Variants in RNF180 observed in about 807,000 individuals in gnomAD.
The protein encoded by RNF180 is E3 ubiquitin-protein ligase RNF180.
A neutral mutation model predicts 59.2 loss-of-function variants in RNF180; 38 were observed. The ratio of observed to expected loss-of-function variants is 0.64; its 90% CI spans 0.50 to 0.84. RNF180 has a LOEUF of 0.84. Ranked by LOEUF, RNF180 falls within the 40% of genes least tolerant of loss-of-function variation. The pLI, the probability that RNF180 is intolerant of heterozygous loss-of-function variation, is 0.00. For synonymous variants in RNF180, 262 were observed against 240.3 expected, an observed-to-expected ratio of 1.09 and a Z score of -0.84; for missense variants, 705 against 700.9, an observed-to-expected ratio of 1.01 and a Z score of -0.07.
intron 2 of RNF180, among the ~76,000 whole-genome samples, chr5:64,208,378 C>T (rs1752130056): frequency 6.6e-6 from 1 of 151,994 alleles, no homozygotes; most frequent in African/African-American, 2.4e-5. Context: ...TCAAATTTTT[C>T]CCGAGGAGAT....
intron 5 of RNF180, among the ~76,000 whole-genome samples, chr5:64,243,435 G>A (rs530750048): frequency 1.3e-3 from 196 of 152,234 alleles, no homozygotes; most frequent in African/African-American, 4.4e-3. Flanking sequence ...TTGAGTAGGC[G>A]GTTTTCCCCT....
At chr5:64,310,911 T>C (rs1018299400) in intron 5 of RNF180, among the ~76,000 whole-genome samples, 2 of 151,920 alleles carry the variant, frequency 1.3e-5, no homozygotes, top group Non-Finnish European at 2.9e-5. Context: ...CTGCCACACC[T>C]AATTCACAGG....
intron 5 of RNF180, among the ~76,000 whole-genome samples, chr5:64,231,973 T>C (rs1462176599): frequency 6.6e-6 from 1 of 152,132 alleles, no homozygotes; most frequent in Non-Finnish European, 1.5e-5. Context: ...TTTTGCTTTT[T>C]AGTAACACTT....
At chr5:64,309,110 A>G (rs1743622581) in intron 5 of RNF180, among the ~76,000 whole-genome samples, 1 of 151,660 alleles carries the variant, frequency 6.6e-6, no homozygotes, top group Non-Finnish European at 1.5e-5. Context: ...GTATTTCCAT[A>G]TTTTGGTGAA....
intron 5 of RNF180, among the ~76,000 whole-genome samples, chr5:64,241,718 G>A (rs1366264972): frequency 6.6e-6 from 1 of 152,078 alleles, no homozygotes; most frequent in African/African-American, 2.4e-5. Flanking sequence ...CTTGGTTGTA[G>A]CACAATAATA....
intron 7 of RNF180, among the ~76,000 whole-genome samples, chr5:64,368,556 A>G (rs1293492011): frequency 6.6e-6 from 1 of 151,886 alleles, no homozygotes; most frequent in Non-Finnish European, 1.5e-5. Context: ...AGAAGAGGCT[A>G]CTCATCTGAC....
At chr5:64,306,573 C>T (rs936292859) in intron 5 of RNF180, among the ~76,000 whole-genome samples, 4 of 151,588 alleles carry the variant, frequency 2.6e-5, no homozygotes, top group African/African-American at 9.7e-5. Flanking sequence ...TGGAACCAAC[C>T]CAAATGTCCA....
intron 7 of RNF180, among the ~76,000 whole-genome samples, chr5:64,355,712 G>T (rs550061350): frequency 6.6e-6 from 1 of 151,982 alleles, no homozygotes; most frequent in African/African-American, 2.4e-5. Flanking sequence ...TAGATCAAGG[G>T]AATAGAAAGT....
intron 5 of RNF180, among the ~76,000 whole-genome samples, chr5:64,264,261 T>A (rs1466360705): frequency 6.6e-6 from 1 of 152,174 alleles, no homozygotes; most frequent in East Asian, 1.9e-4. Flanking sequence ...ATGCGCAGAA[T>A]GTGCAAGTTT....
chr5:64,261,283 G>T lies in RNF180; in HGVS notation c.1227+43887G>T, dbSNP rs370748592. On this transcript the variant is annotated intron_variant, in intron 5 of 7. Transcript: ENST00000389100. ...ATTCAGGAAAAAGAGATTATAAATG[G>T]TGGCTATACCATTTTTGCAAATTCA... Among the ~76,000 whole-genome samples the T allele has an allele frequency of 2.0e-5, 3 of 152,046 alleles. No individual in the cohort carries two copies. The East Asian group carries it at 5.8e-4, about 29-fold the overall frequency.
rs1162054033 is a variant in RNF180, at chr5:64,346,359, C to CTT, written c.1579+15979_1579+15980dup. ...TCTATTCTTCTTTTTTTCTTTTCTTCTTTTTTTTTTTTTTTTTTTTTTTTT... is the reference window on the plus strand; with the variant it reads ...TCTATTCTTCTTTTTTTCTTTTCTTCTTTTTTTTTTTTTTTTTTTTTTTTTTT... On this transcript the variant is annotated intron_variant, in intron 7 of 7. Coordinates refer to ENST00000389100, the MANE Select transcript of RNF180 (RefSeq NM_001113561.2). Among the ~76,000 whole-genome samples the CTT allele has an allele frequency of 4.7e-3, 200 of 42,946 alleles. 28 individuals are homozygous for CTT. Among genetic ancestry groups the CTT allele is most frequent in the African/African-American group, 5.4e-3 (58 of 10,810 alleles). 28.2% of individuals were successfully genotyped at this position (42,946 alleles called of 152,430 possible).
rs375104999 is a variant in RNF180 at position 64,249,638 on chromosome 5, C to T, written c.1227+32242C>T. Among the ~76,000 whole-genome samples, 11 of 152,202 alleles carry T rather than the reference C, an allele frequency of 7.2e-5. No homozygotes were observed. The East Asian group carries it at 2.1e-3, about 29-fold the overall frequency. ...AGTGAAGGGATAGAAAATGATATTC[C>T]ATGCAAAGGGAAACCAAAAGTGAGC... On this transcript the variant is annotated intron_variant, in intron 5 of 7. Coordinates refer to ENST00000389100, the MANE Select transcript of RNF180 (RefSeq NM_001113561.2).
chr5:64,186,595 G>C (rs538048293), intron 1 of RNF180, among the ~76,000 whole-genome samples: 1 of 152,156 alleles, frequency 6.6e-6, no homozygotes, highest in South Asian at 2.1e-4. Flanking sequence ...CAAAATAATA[G>C]TTTCTCAGCA....
At chr5:64,312,692 A>T (rs561309377) in intron 5 of RNF180, among the ~76,000 whole-genome samples, 1 of 152,186 alleles carries the variant, frequency 6.6e-6, no homozygotes, top group East Asian at 1.9e-4. Context: ...CTGTGCTGGA[A>T]AACACCCACA....
chr5:64,253,046 C>G (rs1382757188), intron 5 of RNF180, among the ~76,000 whole-genome samples: 1 of 151,992 alleles, frequency 6.6e-6, no homozygotes, highest in African/African-American at 2.4e-5. Flanking sequence ...AAACTATTTA[C>G]CACTAAAAAA....
At chr5:64,173,673 G>C (rs1041485152) in intron 1 of RNF180, among the ~76,000 whole-genome samples, 1 of 149,514 alleles carries the variant, frequency 6.7e-6, no homozygotes, top group African/African-American at 2.5e-5. Context: ...CTACTTCCCA[G>C]ATTCTGGTGA....
intron 7 of RNF180, among the ~76,000 whole-genome samples, chr5:64,369,327 G>A (rs1746571208): frequency 6.6e-6 from 1 of 151,894 alleles, no homozygotes; most frequent in South Asian, 2.1e-4. Context: ...GGGCGAGTGG[G>A]AAGGGATAGC....
At position 64,367,247 on chromosome 5, in the gene RNF180, T is replaced by C. The variant is rs1746486499; in HGVS notation, c.1580-2368T>C. ...CCTATACCTGGAAGCAAAAGAATGA[T>C]ATCATGAAAACACATGAAAGTAAAA... On this transcript the variant is annotated intron_variant, in intron 7 of 7. Transcript: ENST00000389100. 4.6e-5 allele frequency among the ~76,000 whole-genome samples: 7 copies of C among 151,486 alleles called. No individual in the cohort carries two copies. The Admixed American group carries it at 4.6e-4, about 10-fold the overall frequency.
intron 5 of RNF180, among the ~76,000 whole-genome samples, chr5:64,291,174 C>G (rs904661464): frequency 1.3e-5 from 2 of 152,124 alleles, no homozygotes; most frequent in Non-Finnish European, 2.9e-5. Flanking sequence ...TATTTTCTGA[C>G]TTGTAGAGTT....
Sources: gnomAD v4.1 joint callset for allele counts (sites outside exome capture counted in the v4.1 genomes callset) on GRCh38, gnomAD v4.1.1 for gene constraint, MANE v1.5 for transcripts, NCBI Gene and HGNC (gene_info 2026-07-23, HGNC 2026-07-21) for gene names.